The following TSHZ3 variants were observed in gnomAD, a reference collection of about 807,000 sequenced individuals.
The protein encoded by TSHZ3 is teashirt homolog 3.
Under a neutral mutation model 64.5 loss-of-function variants are expected in TSHZ3, and 10 were observed. That is an observed-to-expected ratio of 0.16 (90% CI 0.10 to 0.26). The LOEUF (loss-of-function observed/expected upper bound fraction) is 0.26, where lower values mean the gene tolerates loss of function less well. Ranked by LOEUF, TSHZ3 falls within the 10% of genes least tolerant of loss-of-function variation. The pLI is 1.00. For synonymous variants in TSHZ3, 608 were observed against 593.1 expected (o/e 1.03, Z -0.36); for missense variants, 1,242 against 1,421.7 (o/e 0.87, Z 2.03).
downstream of TSHZ3, among the ~76,000 whole-genome samples, chr19:31,272,653 T>A (rs1344082315): frequency 6.6e-6 from 1 of 152,202 alleles, no homozygotes; most frequent in South Asian, 2.1e-4. Context: ...GCATATTGAT[T>A]TCTTGTTGTG....
At chr19:31,297,862 ACTTG>A (rs1216256681) in intron 1 of TSHZ3, among the ~76,000 whole-genome samples, 3 of 152,162 alleles carry the variant, frequency 2.0e-5, no homozygotes, top group African/African-American at 7.2e-5. Flanking sequence ...TTCAGCTGCC[ACTTG>A]CTTCCCTGGC....
chr19:31,182,326 C>T (rs963021473), intron 5 of TSHZ3, among the ~76,000 whole-genome samples: 1 of 152,192 alleles, frequency 6.6e-6, no homozygotes, highest in African/African-American at 2.4e-5. Context: ...TCAGAGAGCT[C>T]TTGTTCCAGG....
At chr19:31,262,927 G>C (rs574446225) in intron 1 of TSHZ3, among the ~76,000 whole-genome samples, 1 of 152,314 alleles carries the variant, frequency 6.6e-6, no homozygotes, top group East Asian at 1.9e-4. Flanking sequence ...CAACAGTTGG[G>C]CTGCGGACAT....
chr19:31,346,973 T>G (rs1348683220), intron 1 of TSHZ3, among the ~76,000 whole-genome samples: 4 of 151,690 alleles, frequency 2.6e-5, no homozygotes, highest in African/African-American at 9.7e-5. Context: ...GGGAAAGAAA[T>G]AAAGCACTCA....
rs558086128 is a variant in TSHZ3, at chr19:31,246,819, G to A, written n.64-3944C>T. Reference sequence around the variant, plus strand: ...AAATGGTCATTGCAGGCCTGCAACCGAGAAAGCACAAGATGAGCCTGAAAC... The same window carrying A: ...AAATGGTCATTGCAGGCCTGCAACCAAGAAAGCACAAGATGAGCCTGAAAC... On this transcript the variant is annotated intron_variant and non_coding_transcript_variant, in intron 1 of 6. Coordinates refer to the TSHZ3 transcript ENST00000651361. Among the ~76,000 whole-genome samples, 250 of 152,074 alleles carry A rather than the reference G, an allele frequency of 1.6e-3. 2 individuals are homozygous for A. The highest frequency in any genetic ancestry group is 5.8e-3 in the African/African-American group (239 of 41,486).
chr19:31,238,739 T>A (rs1975653532), intron 3 of TSHZ3, among the ~76,000 whole-genome samples: 1 of 152,208 alleles, frequency 6.6e-6, no homozygotes, highest in African/African-American at 2.4e-5. Flanking sequence ...TTGCATTGCA[T>A]GTTTTATCCA....
intron 1 of TSHZ3, among the ~76,000 whole-genome samples, chr19:31,340,304 T>C (rs1917389999): frequency 8.7e-6 from 1 of 115,502 alleles, no homozygotes; most frequent in Non-Finnish European, 1.6e-5. Flanking sequence ...CAGAATCTTA[T>C]GGAGGAACAT....
chr19:31,332,496 T>A (rs183862587), intron 1 of TSHZ3, among the ~76,000 whole-genome samples: 14 of 152,154 alleles, frequency 9.2e-5, no homozygotes, highest in Admixed American at 7.8e-4. Context: ...CGACCCCTCA[T>A]CAGATGTGAT....
At chr19:31,350,575 G>T (rs2021690625), upstream of TSHZ3, among the ~76,000 whole-genome samples, 1 of 151,570 alleles carries the variant, frequency 6.6e-6, no homozygotes, top group Non-Finnish European at 1.5e-5. Flanking sequence ...CCCGCGCCCG[G>T]CCTGCCGGGG....
At chr19:31,203,036 G>A (rs777701795) in intron 5 of TSHZ3, among the ~76,000 whole-genome samples, 1 of 151,934 alleles carries the variant, frequency 6.6e-6, no homozygotes, top group Non-Finnish European at 1.5e-5. Context: ...TAAAGCATTA[G>A]AAGATGATAA....
chr19:31,222,065 A>C (rs1354936345), intron 4 of TSHZ3, among the ~76,000 whole-genome samples: 1 of 152,184 alleles, frequency 6.6e-6, no homozygotes, highest in Non-Finnish European at 1.5e-5. Flanking sequence ...CCTTGGTTGC[A>C]GTCTATTTTA....
chr19:31,296,943 C>CAACAA (rs1976672063), intron 1 of TSHZ3, among the ~76,000 whole-genome samples: 1 of 152,206 alleles, frequency 6.6e-6, no homozygotes, highest in African/African-American at 2.4e-5. Context: ...GAAAGTGTCA[C>CAACAA]CCACAGTGAC....
At chr19:31,322,822 G>C (rs1212045595) in intron 1 of TSHZ3, among the ~76,000 whole-genome samples, 1 of 152,204 alleles carries the variant, frequency 6.6e-6, no homozygotes, top group Non-Finnish European at 1.5e-5. Context: ...CAGAACGAAT[G>C]AATGACTGAA....
At chr19:31,160,877 A>AAT (rs199978596) in intron 5 of TSHZ3, among the ~76,000 whole-genome samples, 6 of 151,882 alleles carry the variant, frequency 4.0e-5, no homozygotes, top group African/African-American at 7.3e-5. Context: ...TGTCCAAATG[A>AAT]ATATATATAT....
intron 1 of TSHZ3, among the ~76,000 whole-genome samples, chr19:31,337,517 C>G (rs887035068): frequency 3.3e-5 from 5 of 152,172 alleles, no homozygotes; most frequent in Admixed American, 2.6e-4. Flanking sequence ...GGCAGATGAT[C>G]AAAGTTTTGC....
At chr19:31,327,866 T>C (rs1916976006) in intron 1 of TSHZ3, among the ~76,000 whole-genome samples, 1 of 152,194 alleles carries the variant, frequency 6.6e-6, no homozygotes, top group Admixed American at 6.5e-5. Context: ...AACTACGATA[T>C]TCTCTTATTT....
In TSHZ3 at chr19:31,256,105, C is replaced by A. The variant is rs560234844; in HGVS notation, n.64-13230G>T. Among the ~76,000 whole-genome samples the A allele has an allele frequency of 3.2e-4, 49 of 152,198 alleles. 2 individuals are homozygous for A. In the South Asian group the frequency reaches 9.8e-3, roughly 30 times the overall value. ...GCCTTGGTCCCCATGTTCACCCTCCCCGAGGCTCACTTTCTCCCCTTCTGT... is the reference window on the plus strand; with the variant it reads ...GCCTTGGTCCCCATGTTCACCCTCCACGAGGCTCACTTTCTCCCCTTCTGT... On this transcript the variant is annotated intron_variant and non_coding_transcript_variant, in intron 1 of 6. Transcript: ENST00000651361.
At chr19:31,223,043 T>C (rs1368085048) in intron 4 of TSHZ3, among the ~76,000 whole-genome samples, 1 of 152,162 alleles carries the variant, frequency 6.6e-6, no homozygotes, top group Non-Finnish European at 1.5e-5. Context: ...CTCAGGAGGT[T>C]GGCAGCTAGG....
intron 4 of TSHZ3, among the ~76,000 whole-genome samples, chr19:31,224,611 T>C (rs1975435353): frequency 6.6e-6 from 1 of 152,196 alleles, no homozygotes; most frequent in African/African-American, 2.4e-5. Flanking sequence ...GGTGGGTCAA[T>C]GCTACCTCCA....
Sources: gnomAD v4.1 joint callset for allele counts (sites outside exome capture counted in the v4.1 genomes callset) on GRCh38, gnomAD v4.1.1 for gene constraint, MANE v1.5 for transcripts, NCBI Gene and HGNC (gene_info 2026-07-23, HGNC 2026-07-21) for gene names.